EPHB1: variants seen among roughly 807,000 people sequenced by gnomAD.
EPHB1 encodes the protein EPH receptor B1.
In EPHB1, 30 loss-of-function variants were observed where a neutral mutation model predicts 94.4. The ratio of observed to expected loss-of-function variants is 0.32; its 90% confidence interval spans 0.24 to 0.43. The LOEUF is 0.43. Among genes scored for constraint, EPHB1 ranks in the 20% least tolerant of loss-of-function variants. The pLI is 1.00. For synonymous variants in EPHB1, 522 were observed against 489.1 expected, an observed-to-expected ratio of 1.07 and a Z score of -0.89; for missense variants, 1,055 against 1,308.3, an observed-to-expected ratio of 0.81 and a Z score of 2.99.
intron 12 of EPHB1, among the ~76,000 whole-genome samples, chr3:135,226,598 G>T (rs966752332): frequency 2.0e-5 from 3 of 152,112 alleles, no homozygotes; most frequent in African/African-American, 7.2e-5. Flanking sequence ...CTGTGGCTCT[G>T]CACGGCTGTG....
chr3:134,883,774 T>G (rs533198587), intron 1 of EPHB1, among the ~76,000 whole-genome samples: 37 of 152,294 alleles, frequency 2.4e-4, no homozygotes, highest in African/African-American at 8.7e-4. Flanking sequence ...TCATGGAGGC[T>G]CTGTAGCAGT....
chr3:134,796,105 G>T (rs1261408203), intron 1 of EPHB1: 4 of 255,706 alleles, frequency 1.6e-5, no homozygotes, highest in Admixed American at 6.1e-5. Context: ...CTGCTCCCAG[G>T]CACGGATACG....
chr3:135,160,048 C>T (rs1350920411), intron 6 of EPHB1, among the ~76,000 whole-genome samples: 2 of 152,144 alleles, frequency 1.3e-5, no homozygotes, highest in East Asian at 1.9e-4. Context: ...CCTGCTGTGC[C>T]CCCACAATCC....
chr3:135,210,749 C>G lies in EPHB1; in HGVS notation c.2346+9060C>G, dbSNP rs529993252. ...TTCTCCAGACTCTGAGTCCAATGCTCAGGACACTGTGATTCCCTCTCTGGC... is the reference window on the plus strand; with the variant it reads ...TTCTCCAGACTCTGAGTCCAATGCTGAGGACACTGTGATTCCCTCTCTGGC... On this transcript the variant is annotated intron_variant, in intron 12 of 15. Coordinates refer to ENST00000398015, the MANE Select transcript of EPHB1 (RefSeq NM_004441.5). Among the ~76,000 whole-genome samples the G allele has an allele frequency of 6.3e-4, 96 of 152,314 alleles. 2 individuals are homozygous for G. In the South Asian group the frequency reaches 0.02, roughly 32 times the overall value.
At chr3:134,867,523 G>A (rs1196069830) in intron 1 of EPHB1, among the ~76,000 whole-genome samples, 1 of 152,184 alleles carries the variant, frequency 6.6e-6, no homozygotes, top group African/African-American at 2.4e-5. Flanking sequence ...AGAGGAATAA[G>A]CAGGTGACAG....
At chr3:135,036,866 A>G (rs1320877900) in intron 3 of EPHB1, among the ~76,000 whole-genome samples, 1 of 152,178 alleles carries the variant, frequency 6.6e-6, no homozygotes, top group Middle Eastern at 3.2e-3. Context: ...GAGGTTTACA[A>G]AAGTGAGCAG....
rs116153079 is a variant in EPHB1, at chr3:134,841,178, G to A, written c.58+45489G>A. The stretch of plus-strand genomic sequence containing the variant: ...GACTGGTGGCTTCTACCACTTCCAG[G>A]GAGTTTTCCTGGTTTCCAGGAAAAG... On this transcript the variant is annotated intron_variant, in intron 1 of 15. Coordinates refer to ENST00000398015, the MANE Select transcript of EPHB1 (RefSeq NM_004441.5). Among the ~76,000 whole-genome samples the A allele has an allele frequency of 5.3e-3, 808 of 152,242 alleles. 6 individuals carry two copies. The highest frequency in any genetic ancestry group is 0.018 in the African/African-American group (768 of 41,540).
intron 3 of EPHB1, among the ~76,000 whole-genome samples, chr3:135,070,700 C>A (rs983232719): frequency 2.0e-5 from 3 of 152,062 alleles, no homozygotes; most frequent in Non-Finnish European, 4.4e-5. Flanking sequence ...TTAATTTATA[C>A]TTCATTAATA....
chr3:135,228,164 G>C (rs1409758338), intron 12 of EPHB1, among the ~76,000 whole-genome samples: 1 of 152,056 alleles, frequency 6.6e-6, no homozygotes, highest in Non-Finnish European at 1.5e-5. Flanking sequence ...TCTAGCTTCT[G>C]AGACTGCATT....
intron 7 of EPHB1, among the ~76,000 whole-genome samples, chr3:135,163,791 C>A (rs1941577203): frequency 6.6e-6 from 1 of 152,202 alleles, no homozygotes; most frequent in African/African-American, 2.4e-5. Context: ...TAAGAGAGTT[C>A]TGGTAAGTGG....
chr3:134,978,395 T>A (rs1245422027), intron 3 of EPHB1, among the ~76,000 whole-genome samples: 1 of 152,140 alleles, frequency 6.6e-6, no homozygotes, highest in South Asian at 2.1e-4. Flanking sequence ...CATAAAAAAG[T>A]CTGAAAACCC....
chr3:134,991,408 G>A (rs953318204), intron 3 of EPHB1, among the ~76,000 whole-genome samples: 1 of 152,234 alleles, frequency 6.6e-6, no homozygotes, highest in East Asian at 1.9e-4. Context: ...TCCTTGGTTT[G>A]AGGTAGTGGT....
intron 1 of EPHB1, among the ~76,000 whole-genome samples, chr3:134,918,098 A>G (rs1324210106): frequency 2.0e-5 from 3 of 152,272 alleles, no homozygotes; most frequent in Non-Finnish European, 4.4e-5. Flanking sequence ...GACAGAAGTC[A>G]CAGCTCTGTG....
At chr3:134,925,694 C>A in intron 1 of EPHB1, 122 bp from the exon 2 acceptor site, 1 of 777,748 alleles carries the variant, frequency 1.3e-6, no homozygotes, top group South Asian at 2.1e-5. Flanking sequence ...TGAAGATGCA[C>A]AAACCTCCTT....
At chr3:135,029,844 A>G (rs988680299) in intron 3 of EPHB1, among the ~76,000 whole-genome samples, 1 of 151,938 alleles carries the variant, frequency 6.6e-6, no homozygotes, top group African/African-American at 2.4e-5. Flanking sequence ...CATTCTCCCC[A>G]TCACTTTCAG....
intron 4 of EPHB1, among the ~76,000 whole-genome samples, chr3:135,126,966 A>G (rs1559842336): frequency 6.6e-6 from 1 of 152,174 alleles, no homozygotes; most frequent in Non-Finnish European, 1.5e-5. Flanking sequence ...CGATAATCCA[A>G]TAATGACAAT....
chr3:134,865,555 A>G (rs1389076358), intron 1 of EPHB1, among the ~76,000 whole-genome samples: 1 of 152,180 alleles, frequency 6.6e-6, no homozygotes, highest in African/African-American at 2.4e-5. Context: ...AGCATTATTT[A>G]TAATGGCAAA....
Position 134,920,281 on chromosome 3 carries a change from G to A in EPHB1, c.59-5535G>A, listed in dbSNP as rs1236037927. 3.9e-5 allele frequency among the ~76,000 whole-genome samples: 6 copies of A among 152,190 alleles called. No individual in the cohort carries two copies. The East Asian group carries it at 5.8e-4, about 15-fold the overall frequency. On this transcript the variant is annotated intron_variant, in intron 1 of 15. Transcript: ENST00000398015. The stretch of plus-strand genomic sequence containing the variant: ...TCTCTTGCAAGGATCCTCTGCGGAG[G>A]TAGAGGGAAGGAGTTGGGGCTGCCG...
At chr3:135,215,335 G>C (rs1943123905) in intron 12 of EPHB1, among the ~76,000 whole-genome samples, 1 of 151,886 alleles carries the variant, frequency 6.6e-6, no homozygotes. Flanking sequence ...AGCTAATTTT[G>C]TATTTTTAGT....
Sources: allele counts gnomAD v4.1 joint callset (sites outside exome capture counted in the v4.1 genomes callset), GRCh38; gene constraint gnomAD v4.1.1; transcripts MANE v1.5; gene names NCBI Gene and HGNC (gene_info 2026-07-23, HGNC 2026-07-21).